The following TMC1 variants were observed in gnomAD, a reference collection of about 807,000 sequenced individuals.
The protein encoded by TMC1 is transmembrane channel like 1, also known as transmembrane channel-like protein 1.
Under a neutral mutation model 105.8 loss-of-function variants are expected in TMC1, and 84 were observed. The ratio of observed to expected loss-of-function variants is 0.79; its 90% CI spans 0.67 to 0.95. The LOEUF (loss-of-function observed/expected upper bound fraction) is 0.95, where lower values mean the gene tolerates loss of function less well. Among genes scored for constraint, TMC1 ranks in the 40% least tolerant of loss-of-function variants. The probability of loss-of-function intolerance (pLI) is 0.00; values close to 1 mark genes in which losing one functional copy is unlikely to be tolerated. For missense variants in TMC1, 817 were observed against 914.1 expected (o/e 0.89, Z 1.37); for synonymous variants, 315 against 311.5 (o/e 1.01, Z -0.12).
intron 1 of TMC1, among the ~76,000 whole-genome samples, chr9:72,565,856 A>C (rs948980961): frequency 6.6e-6 from 1 of 152,176 alleles, no homozygotes; most frequent in Non-Finnish European, 1.5e-5. Context: ...GGAAAAACTT[A>C]TCCCCATGAT....
chr9:72,604,740 T>A (rs1824879976), intron 2 of TMC1, among the ~76,000 whole-genome samples: 1 of 152,186 alleles, frequency 6.6e-6, no homozygotes, highest in South Asian at 2.1e-4. Context: ...AGGTGAAGCA[T>A]GTTGGTTTAA....
chr9:72,796,352 ACTT>A (rs1281622535), intron 17 of TMC1, among the ~76,000 whole-genome samples: 13 of 152,156 alleles, frequency 8.5e-5, no homozygotes, highest in Admixed American at 5.2e-4. Flanking sequence ...AGGAGGAGGA[ACTT>A]CTTCCCAGCT....
intron 3 of TMC1, 142 bp from the exon 4 acceptor site, chr9:72,627,779 T>G (rs1205835450): frequency 3.3e-6 from 1 of 304,618 alleles, no homozygotes; most frequent in Non-Finnish European, 6.5e-6. Context: ...TGGCATCTTT[T>G]TAACAAATCC....
chr9:72,710,313 T>C (rs1826814620), intron 8 of TMC1, among the ~76,000 whole-genome samples: 1 of 152,216 alleles, frequency 6.6e-6, no homozygotes, highest in African/African-American at 2.4e-5. Flanking sequence ...ATGGAATGTA[T>C]ACTCTGTGGT....
At chr9:72,563,215 G>T (rs1262606570) in intron 1 of TMC1, among the ~76,000 whole-genome samples, 2 of 152,190 alleles carry the variant, frequency 1.3e-5, no homozygotes, top group Non-Finnish European at 2.9e-5. Context: ...GGAAGATTAG[G>T]AAGTAGATTG....
chr9:72,738,934 A>C (rs1827343824), intron 8 of TMC1, among the ~76,000 whole-genome samples: 1 of 151,960 alleles, frequency 6.6e-6, no homozygotes, highest in Non-Finnish European at 1.5e-5. Context: ...AGCCCCCGAG[A>C]GCTGAAGACA....
intron 18 of TMC1, among the ~76,000 whole-genome samples, chr9:72,811,205 A>C (rs1461427248): frequency 2.0e-5 from 3 of 152,184 alleles, no homozygotes; most frequent in Non-Finnish European, 4.4e-5. Context: ...TGATTTCTGT[A>C]CTGGCTCTAT....
intron 5 of TMC1, among the ~76,000 whole-genome samples, chr9:72,652,508 G>A (rs953892280): frequency 2.0e-5 from 3 of 152,144 alleles, no homozygotes; most frequent in African/African-American, 7.2e-5. Context: ...ATGGGCCAGC[G>A]AGATGAGAGG....
chr9:72,597,931 T>C (rs185756634), intron 2 of TMC1, among the ~76,000 whole-genome samples: 2 of 152,300 alleles, frequency 1.3e-5, no homozygotes, highest in Admixed American at 1.3e-4. Flanking sequence ...TGCTCCATGC[T>C]GAACCAAATG....
At chr9:72,589,436 A>G (rs1824601242) in intron 2 of TMC1, among the ~76,000 whole-genome samples, 1 of 152,218 alleles carries the variant, frequency 6.6e-6, no homozygotes, top group Non-Finnish European at 1.5e-5. Context: ...TAAAAATATC[A>G]CCACCAATTT....
At chr9:72,780,310 A>G (rs898221276) in intron 13 of TMC1, among the ~76,000 whole-genome samples, 1 of 152,194 alleles carries the variant, frequency 6.6e-6, no homozygotes, top group Non-Finnish European at 1.5e-5. Context: ...AAAAACACAC[A>G]TAAGTACATA....
intron 8 of TMC1, among the ~76,000 whole-genome samples, chr9:72,704,977 C>T (rs1193442494): frequency 1.3e-5 from 2 of 151,744 alleles, no homozygotes; most frequent in Non-Finnish European, 2.9e-5. Context: ...GAAACAGTGT[C>T]ATATTTTCCA....
chr9:72,772,575 T>C lies in TMC1; in HGVS notation c.884+20T>C. ...CAAAGCGTAAGTTTCATTTGTCTTT[T>C]GGGAAGCAAATAATGATTTCTGGAA... is the stretch of plus-strand genomic sequence containing the variant. On this transcript the variant is annotated intron_variant, in intron 13 of 23. Transcript: ENST00000297784. 6.2e-7 allele frequency: 1 copy of C among 1,613,614 alleles called. No homozygotes were observed. Among genetic ancestry groups the C allele is most frequent in the African/African-American group, 1.3e-5 (1 of 75,030 alleles).
At chr9:72,771,503 T>C (rs1175124938) in intron 12 of TMC1, among the ~76,000 whole-genome samples, 8 of 152,198 alleles carry the variant, frequency 5.3e-5, no homozygotes, top group Admixed American at 3.3e-4. Flanking sequence ...AGGCAACCAA[T>C]TGGGTTTTCT....
intron 7 of TMC1, among the ~76,000 whole-genome samples, chr9:72,698,888 C>T (rs531504934): frequency 1.2e-4 from 18 of 152,072 alleles, no homozygotes; most frequent in African/African-American, 4.3e-4. Context: ...ACGCTCAGCT[C>T]CAGGAGTGAA....
At chr9:72,723,701 A>G (rs556554501) in intron 8 of TMC1, among the ~76,000 whole-genome samples, 2 of 152,308 alleles carry the variant, frequency 1.3e-5, no homozygotes, top group East Asian at 3.9e-4. Context: ...TGGGATTTGC[A>G]TGTTTTGAAA....
At chr9:72,546,375 C>G (rs886880001) in intron 1 of TMC1, among the ~76,000 whole-genome samples, 10 of 152,184 alleles carry the variant, frequency 6.6e-5, no homozygotes, top group Admixed American at 2.0e-4. Context: ...GAAAAAACCA[C>G]TGAATGATTG....
intron 13 of TMC1, among the ~76,000 whole-genome samples, chr9:72,787,566 G>A (rs1241128478): frequency 1.3e-5 from 2 of 151,894 alleles, no homozygotes; most frequent in African/African-American, 4.8e-5. Flanking sequence ...AAAGGAAGTG[G>A]AGTATATAGG....
At chr9:72,543,827 C>T (rs1283336460) in intron 1 of TMC1, among the ~76,000 whole-genome samples, 1 of 152,014 alleles carries the variant, frequency 6.6e-6, no homozygotes, top group Non-Finnish European at 1.5e-5. Context: ...GTCTCTAATT[C>T]GTGGGCTCAA....
Sources: allele counts gnomAD v4.1 joint callset (sites outside exome capture counted in the v4.1 genomes callset), GRCh38; gene constraint gnomAD v4.1.1; transcripts MANE v1.5; gene names NCBI Gene and HGNC (gene_info 2026-07-23, HGNC 2026-07-21).